Variants in DPYD observed in about 807,000 individuals in gnomAD.
The protein encoded by DPYD is dihydropyrimidine dehydrogenase [NADP(+)].
DPYD carries 109 observed loss-of-function variants against 116.2 expected under a neutral mutation model. That is an observed-to-expected ratio of 0.94 (90% CI 0.80 to 1.10). The LOEUF is 1.10. Among genes scored for constraint, DPYD ranks in the 50% least tolerant of loss-of-function variants. The probability of loss-of-function intolerance (pLI) is 0.00; values close to 1 mark genes in which losing one functional copy is unlikely to be tolerated. For missense variants in DPYD, 1,302 were observed against 1,254.5 expected, an observed-to-expected ratio of 1.04 and a Z score of -0.57; for synonymous variants, 440 against 432.0, an observed-to-expected ratio of 1.02 and a Z score of -0.23.
At position 97,580,641 on chromosome 1, in the gene DPYD, T is replaced by A. The variant is rs574480093; in HGVS notation, c.1129-6671A>T. On this transcript the variant is annotated intron_variant, in intron 10 of 22. Transcript: ENST00000370192. ...GAACCTTTTCCTAAGCCCACTTGTG[T>A]GCTTTTTTGTAAAATCCAGATTTAG... Among the ~76,000 whole-genome samples, 22 of 152,334 alleles carry A rather than the reference T, an allele frequency of 1.4e-4. 1 individual carries two copies. The South Asian group carries it at 4.6e-3, about 32-fold the overall frequency.
intron 20 of DPYD, among the ~76,000 whole-genome samples, chr1:97,191,707 A>T (rs998585854): frequency 8.5e-5 from 13 of 152,130 alleles, no homozygotes; most frequent in African/African-American, 3.1e-4. Flanking sequence ...CAACCACCCA[A>T]ATTTGAGACA....
intron 12 of DPYD, among the ~76,000 whole-genome samples, chr1:97,547,674 G>GT (rs1351067072): frequency 2.0e-5 from 3 of 149,376 alleles, no homozygotes; most frequent in Non-Finnish European, 4.5e-5. Flanking sequence ...CTCTCTCGTT[G>GT]TTTTGTTGTT....
intron 4 of DPYD, among the ~76,000 whole-genome samples, chr1:97,722,309 A>C (rs1662968585): frequency 6.6e-6 from 1 of 151,590 alleles, no homozygotes; most frequent in South Asian, 2.1e-4. Context: ...CTAAGGACAC[A>C]TGACAAATAA....
chr1:97,212,723 C>T (rs920661905), intron 19 of DPYD, among the ~76,000 whole-genome samples: 10 of 151,976 alleles, frequency 6.6e-5, no homozygotes, highest in Admixed American at 3.9e-4. Context: ...ACATCCTCAC[C>T]GTCATTAAGT....
At chr1:97,498,116 T>A (rs1019884506) in intron 13 of DPYD, among the ~76,000 whole-genome samples, 3 of 151,676 alleles carry the variant, frequency 2.0e-5, no homozygotes, top group Admixed American at 6.6e-5. Flanking sequence ...AATAGGTAAA[T>A]CCATAGAGAT....
chr1:97,311,834 A>G (rs1023276260), intron 16 of DPYD, among the ~76,000 whole-genome samples: 1 of 151,922 alleles, frequency 6.6e-6, no homozygotes, highest in Non-Finnish European at 1.5e-5. Flanking sequence ...AAAGTATACA[A>G]TATAATTTGA....
At chr1:97,512,263 TCTTTA>T (rs1647856452) in intron 13 of DPYD, among the ~76,000 whole-genome samples, 1 of 151,920 alleles carries the variant, frequency 6.6e-6, no homozygotes, top group Non-Finnish European at 1.5e-5. Flanking sequence ...ATATTTTCAG[TCTTTA>T]CTTCTTAGCA....
At position 97,549,126 on chromosome 1, in the gene DPYD, G is replaced by T. The variant is rs553074118; in HGVS notation, c.1524+434C>A. 2.0e-5 allele frequency among the ~76,000 whole-genome samples: 3 copies of T among 151,978 alleles called. No individual in the cohort carries two copies. The South Asian group carries it at 6.2e-4, about 32-fold the overall frequency. Reference sequence around the variant, plus strand: ...TGTTGTCCAGGTTGAAGTGCAAGTGGCACGATCATGGCTTACTGCAGCCTT... The same window carrying T: ...TGTTGTCCAGGTTGAAGTGCAAGTGTCACGATCATGGCTTACTGCAGCCTT... On this transcript the variant is annotated intron_variant, in intron 12 of 22. Coordinates refer to ENST00000370192, the MANE Select transcript of DPYD (RefSeq NM_000110.4).
chr1:97,847,513 T>C (rs141281356), intron 2 of DPYD, among the ~76,000 whole-genome samples: 33 of 152,256 alleles, frequency 2.2e-4, no homozygotes, highest in African/African-American at 6.5e-4. Context: ...ACAGAAGGTA[T>C]TGTCAGGCAG....
chr1:97,114,131 G>C (rs1488329358), intron 20 of DPYD, among the ~76,000 whole-genome samples: 2 of 152,084 alleles, frequency 1.3e-5, no homozygotes, highest in African/African-American at 2.4e-5. Context: ...GAAAAGCAAA[G>C]AATAAACCTT....
At chr1:97,754,644 T>C (rs1665130555) in intron 3 of DPYD, among the ~76,000 whole-genome samples, 1 of 152,228 alleles carries the variant, frequency 6.6e-6, no homozygotes, top group African/African-American at 2.4e-5. Flanking sequence ...AGCACTTAAC[T>C]ATTTTCTGAG....
In DPYD at chr1:97,920,744, C is replaced by T. The variant is rs544769986; in HGVS notation, c.39+140G>A. ...TGTGGCTCCGCGCTCCTCCGCTCCC[C>T]CGCAGAGCTCCCACGGGGGAAACTT... On this transcript the variant is annotated intron_variant, in intron 1 of 22. Transcript: ENST00000370192. 202 of 1,265,066 alleles carry T rather than the reference C, an allele frequency of 1.6e-4. 1 individual carries two copies. The African/African-American group carries it at 2.3e-3, about 15-fold the overall frequency. 78.4% of individuals were successfully genotyped at this position (1,265,066 alleles called of 1,614,324 possible). A position where few individuals can be genotyped will look rare whatever the true frequency, so the allele number is the denominator to read the frequency against.
intron 3 of DPYD, among the ~76,000 whole-genome samples, chr1:97,813,950 AC>A (rs1224337293): frequency 4.0e-5 from 6 of 150,124 alleles, no homozygotes; most frequent in African/African-American, 1.5e-4. Context: ...ACACACACAC[AC>A]ACACCCCTAA....
In DPYD at chr1:97,147,811, G is replaced by A. The variant is rs111934384; in HGVS notation, c.2622+45258C>T. On this transcript the variant is annotated intron_variant, in intron 20 of 22. Transcript: ENST00000370192. ...ATGTCAGGCTCAGTGATTGTGGAGC[G>A]AGTAATAGCTCTCTTTTACTGTACT... Among the ~76,000 whole-genome samples, 390 of 152,264 alleles carry A rather than the reference G, an allele frequency of 2.6e-3. 2 individuals carry two copies. The highest frequency in any genetic ancestry group is 8.8e-3 in the African/African-American group (366 of 41,566).
intron 14 of DPYD, among the ~76,000 whole-genome samples, chr1:97,395,532 T>C (rs1672962683): frequency 6.6e-6 from 1 of 152,050 alleles, no homozygotes; most frequent in Non-Finnish European, 1.5e-5. Flanking sequence ...ACATCAAGAC[T>C]ATACCATATT....
intron 8 of DPYD, among the ~76,000 whole-genome samples, chr1:97,617,744 C>T (rs1001175672): frequency 3.3e-5 from 5 of 152,140 alleles, no homozygotes; most frequent in African/African-American, 1.2e-4. Context: ...AAGGTCTGCA[C>T]ATCTGCAGCA....
intron 11 of DPYD, among the ~76,000 whole-genome samples, chr1:97,554,027 T>C (rs892405804): frequency 1.3e-5 from 2 of 152,154 alleles, no homozygotes; most frequent in African/African-American, 4.8e-5. Context: ...GGTAGCTTTA[T>C]AACAAGAAAC....
At chr1:97,861,323 T>G (rs961437622) in intron 2 of DPYD, among the ~76,000 whole-genome samples, 1 of 151,838 alleles carries the variant, frequency 6.6e-6, no homozygotes, top group African/African-American at 2.4e-5. Context: ...TTGTAAAGAC[T>G]TACCAAGTTT....
chr1:97,884,294 T>C (rs1453582992), intron 1 of DPYD, among the ~76,000 whole-genome samples: 1 of 151,978 alleles, frequency 6.6e-6, no homozygotes, highest in African/African-American at 2.4e-5. Context: ...GGAGGAAACA[T>C]GGTAGTAGCA....
Sources: allele counts gnomAD v4.1 joint callset (sites outside exome capture counted in the v4.1 genomes callset), GRCh38; gene constraint gnomAD v4.1.1; transcripts MANE v1.5; gene names NCBI Gene and HGNC (gene_info 2026-07-23, HGNC 2026-07-21).